TREML1: variants seen among roughly 807,000 people sequenced by gnomAD.
TREML1 encodes triggering receptor expressed on myeloid cells like 1.
A neutral mutation model predicts 22.8 loss-of-function variants in TREML1; 27 were observed. The observed-to-expected ratio is 1.19, with a 90% CI of 0.87 to 1.64. TREML1 has a LOEUF of 1.64. Ranked by LOEUF, TREML1 falls within the 40% of genes most tolerant of loss-of-function variation. The probability of loss-of-function intolerance (pLI) is 0.00; values close to 1 mark genes in which losing one functional copy is unlikely to be tolerated. For synonymous variants in TREML1, 153 were observed against 161.9 expected, an observed-to-expected ratio of 0.94 and a Z score of 0.42; for missense variants, 356 against 382.0, an observed-to-expected ratio of 0.93 and a Z score of 0.57.
Position 41,149,358 on chromosome 6 carries a change from A to G in TREML1, c.*246T>C, listed in dbSNP as rs981371686. 6 of 438,332 alleles carry G rather than the reference A, an allele frequency of 1.4e-5. No homozygotes were observed. The highest frequency in any genetic ancestry group is 2.0e-5 in the Non-Finnish European group (5 of 245,428). 27.2% of individuals were successfully genotyped at this position (438,332 alleles called of 1,614,324 possible). A position where few individuals can be genotyped will look rare whatever the true frequency, so the allele number is the denominator to read the frequency against. On this transcript the variant is annotated 3_prime_UTR_variant, in exon 6 of 6. Transcript: ENST00000426005. ...CATTAAGAGTTTGCACATCATTATT[A>G]GGGTTTATTTAGCCCAGTGTGTAAT...
At chr6:41,151,184 C>T in intron 3 of TREML1, 98 bp downstream of exon 3, 1 of 1,099,160 alleles carries the variant, frequency 9.1e-7, no homozygotes, top group Non-Finnish European at 1.4e-6. Context: ...TGGGAAGAAT[C>T]ATAGGTTTTC....
chr6:41,153,848 C>G lies in TREML1; in HGVS notation c.286G>C (p.Glu96Gln). 6.2e-7 allele frequency: 1 copy of G among 1,614,184 alleles called. No homozygotes were observed. Among genetic ancestry groups the G allele is most frequent in the Non-Finnish European group, 8.5e-7 (1 of 1,180,022 alleles). The change falls in exon 2 of 6, where the codon GAA becomes CAA. Residue 96 changes from glutamate to glutamine, a missense_variant. Coordinates refer to ENST00000426005, the MANE Select transcript of TREML1 (RefSeq NM_178174.4). ...CAGCCATACTCGCCAGCATCCTCTT[C>G]CTGCAGGGTAACCATTTCCACCTGC... ...LLQVEMVTLQEEDAGEYGCMV... is the reference protein window; with the variant it reads ...LLQVEMVTLQQEDAGEYGCMV...
Position 41,149,453 on chromosome 6 carries a change from G to T in TREML1, c.*151C>A. On this transcript the variant is annotated 3_prime_UTR_variant, in exon 6 of 6. Coordinates refer to ENST00000426005, the MANE Select transcript of TREML1 (RefSeq NM_178174.4). ...CAAGACATCTCAGTCATGTCTGAGC[G>T]TCACTTTCCCTAGTAAAGTTAGGAC... 1.2e-6 allele frequency: 1 copy of T among 843,716 alleles called. No homozygotes were observed. The allele number at this position is 843,716 out of a possible 1,614,324, so 52.3% of individuals were successfully genotyped here.
intron 2 of TREML1, among the ~76,000 whole-genome samples, chr6:41,153,128 T>C (rs1765313744): frequency 1.3e-5 from 2 of 151,244 alleles, no homozygotes; most frequent in Admixed American, 6.6e-5. Context: ...ACTAGAAAAG[T>C]TATGGGCTGT....
At position 41,151,263 on chromosome 6, in the gene TREML1, A is replaced by G; in HGVS notation, c.479+19T>C. The G allele has an allele frequency of 6.2e-7, 1 of 1,611,342 alleles. No individual in the cohort carries two copies. Among genetic ancestry groups the G allele is most frequent in the South Asian group, 1.1e-5 (1 of 91,024 alleles). ...CCACCACCCTTCTCCTGGCCTCCCA[A>G]ATCCAATCCTGTCAGTACCTCTTCT... On this transcript the variant is annotated intron_variant, in intron 3 of 5. Coordinates refer to ENST00000426005, the MANE Select transcript of TREML1 (RefSeq NM_178174.4).
At position 41,150,907 on chromosome 6, in the gene TREML1, G is replaced by A. The variant is rs1444202130; in HGVS notation, c.480C>T (p.Ser160=). 1 of 1,614,018 alleles carries A rather than the reference G, an allele frequency of 6.2e-7. No homozygotes were observed. The highest frequency in any genetic ancestry group is 8.5e-7 in the Non-Finnish European group (1 of 1,179,898). ...NPLEPSQDEK[S]IPLIWGAVLL... is the part of the protein sequence containing the mutation. ...GCACAGCACCCCAGATCAAGGGGAT[G>A]CTGAGGAACAGAAAGGGATAGGCAG... Residue 160 remains serine, a splice_region_variant and synonymous_variant, in exon 4 of 6, where the codon AGC becomes AGT. Transcript: ENST00000426005.
intron 2 of TREML1, 26 bp from the exon 3 acceptor site, chr6:41,151,410 A>C: frequency 6.2e-7 from 1 of 1,604,164 alleles, no homozygotes; most frequent in Non-Finnish European, 8.5e-7. Flanking sequence ...TGGAGTCAGA[A>C]GGAAACATTT....
chr6:41,154,665 G>A (rs980447096), upstream of TREML1, among the ~76,000 whole-genome samples: 5 of 152,160 alleles, frequency 3.3e-5, no homozygotes, highest in African/African-American at 9.7e-5. Flanking sequence ...GAGGAAGGTA[G>A]AGTGCCCTGC....
At chr6:41,151,406 C>A in intron 2 of TREML1, 22 bp from the exon 3 acceptor site, 1 of 1,604,070 alleles carries the variant, frequency 6.2e-7, no homozygotes, top group Non-Finnish European at 8.5e-7. Flanking sequence ...GGAATGGAGT[C>A]AGAAGGAAAC....
chr6:41,155,393 C>CTCTGTCTCTCTCTCTCTCTCTG (rs1554138454), upstream of TREML1, among the ~76,000 whole-genome samples: 63 of 151,862 alleles, frequency 4.1e-4, no homozygotes, highest in African/African-American at 1.5e-3. Context: ...CTCTCTCTCT[C>CTCTGTCTCTCTCTCTCTCTCTG]TCTCTCTCTC....
At position 41,154,308 on chromosome 6, in the gene TREML1, A is replaced by G. The variant is rs1485337109; in HGVS notation, c.-20T>C. On this transcript the variant is annotated 5_prime_UTR_variant, in exon 1 of 6. An upstream open reading frame in the 5' UTR loses its in-frame stop. Coordinates refer to ENST00000426005, the MANE Select transcript of TREML1 (RefSeq NM_178174.4). ...GCCCATGGCTGGGCAGAGAAATGTC[A>G]ACTCCTGGGCTTGCCTGGGCACTGA... is the stretch of plus-strand genomic sequence containing the variant. 3 of 1,612,608 alleles carry G rather than the reference A, an allele frequency of 1.9e-6. No homozygotes were observed. Among genetic ancestry groups the G allele is most frequent in the Non-Finnish European group, 2.5e-6 (3 of 1,178,858 alleles).
At chr6:41,151,923 T>C (rs1175859742) in intron 2 of TREML1, among the ~76,000 whole-genome samples, 1 of 152,218 alleles carries the variant, frequency 6.6e-6, no homozygotes, top group Non-Finnish European at 1.5e-5. Context: ...CCTCATGTGA[T>C]GCAACACAAA....
At chr6:41,150,004 T>A (rs1200965686) in intron 5 of TREML1, 86 bp from the exon 6 acceptor site, 2 of 1,323,878 alleles carry the variant, frequency 1.5e-6, no homozygotes, top group East Asian at 2.3e-5. Context: ...ACTAGATCTA[T>A]CTCTTGAATC....
intron 5 of TREML1, 73 bp downstream of exon 5, chr6:41,150,188 C>T: frequency 1.9e-6 from 3 of 1,543,654 alleles, no homozygotes; most frequent in Non-Finnish European, 2.7e-6. Context: ...CCCCATCATC[C>T]TAGGACCTCT....
intron 3 of TREML1, 40 bp from the exon 4 acceptor site, chr6:41,150,947 C>G (rs1765228851): frequency 2.5e-6 from 4 of 1,579,860 alleles, no homozygotes; most frequent in Admixed American, 1.7e-5. Flanking sequence ...AGACCTGAAG[C>G]CTGTGGGGAG....
chr6:41,150,171 T>C, intron 5 of TREML1, 90 bp downstream of exon 5: 1 of 1,449,322 alleles, frequency 6.9e-7, no homozygotes, highest in Admixed American at 1.9e-5. Context: ...TCCCAGTCCT[T>C]TCTCCACCCC....
At position 41,151,303 on chromosome 6, in the gene TREML1, T is replaced by G. The variant is rs1252228240; in HGVS notation, c.458A>C (p.Glu153Ala). The G allele has an allele frequency of 2.5e-6, 4 of 1,614,206 alleles. No homozygotes were observed. The South Asian group carries it at 3.3e-5, about 13-fold the overall frequency. Residue 153 changes from glutamate (E) to alanine (A), a missense_variant, in exon 3 of 6, where the codon GAA (glutamate) becomes GCA (alanine). Transcript: ENST00000426005. ...SDPAGSANPL[E>A]PSQDEKSIPL... ...GTACCTCTTCTCATCCTGGCTGGGT[T>G]CCAAAGGGTTGGCACTGCCTGCAGG...
chr6:41,153,114 A>G (rs1204274860), intron 2 of TREML1, among the ~76,000 whole-genome samples: 2 of 151,612 alleles, frequency 1.3e-5, no homozygotes, highest in Admixed American at 1.3e-4. Flanking sequence ...ACAAATGCTT[A>G]TATACTAGAA....
Position 41,149,721 on chromosome 6 carries a change from C to G in TREML1, c.819G>C (p.Leu273=). ...CATATGTCACAGGCTTGGAGCAGACCAGGACCTTAGGAGGTAGAGGGGGCA... is the reference window on the plus strand; with the variant it reads ...CATATGTCACAGGCTTGGAGCAGACGAGGACCTTAGGAGGTAGAGGGGGCA... ...SSLPPLPPKV[L]VCSKPVTYAT... Residue 273 remains leucine (L), a synonymous_variant, in exon 6 of 6, where the codon CTG becomes CTC. Transcript: ENST00000426005. 6.2e-7 allele frequency: 1 copy of G among 1,614,100 alleles called. No individual in the cohort carries two copies. The highest frequency in any genetic ancestry group is 1.3e-5 in the African/African-American group (1 of 75,012).
Sources: allele counts gnomAD v4.1 joint callset (sites outside exome capture counted in the v4.1 genomes callset), GRCh38; gene constraint gnomAD v4.1.1; transcripts MANE v1.5; gene names NCBI Gene and HGNC (gene_info 2026-07-23, HGNC 2026-07-21).